The following LMO1 variants were observed in gnomAD, a reference collection of about 807,000 sequenced individuals.
LMO1 encodes rhombotin-1.
Under a neutral mutation model 18.0 loss-of-function variants are expected in LMO1, and 10 were observed. The observed-to-expected ratio is 0.55, with a 90% CI of 0.34 to 0.94. The LOEUF is 0.94. Among genes scored for constraint, LMO1 ranks in the 40% least tolerant of loss-of-function variants. The pLI, the probability that LMO1 is intolerant of heterozygous loss-of-function variation, is 0.02. For missense variants in LMO1, 183 were observed against 205.7 expected (o/e 0.89, Z 0.68); for synonymous variants, 77 against 77.9 (o/e 0.99, Z 0.06).
intron 1 of LMO1, among the ~76,000 whole-genome samples, chr11:8,232,854 ACT>A (rs1428189463): frequency 1.3e-5 from 2 of 151,940 alleles, no homozygotes; most frequent in African/African-American, 4.8e-5. Flanking sequence ...CAGCTGTCCC[ACT>A]CTCTCTTCCA....
chr11:8,259,299 A>G (rs918647187), intron 1 of LMO1, among the ~76,000 whole-genome samples: 14 of 151,996 alleles, frequency 9.2e-5, no homozygotes, highest in African/African-American at 3.4e-4. Flanking sequence ...CTGCTTCTTC[A>G]CCCAAGGCTC....
At chr11:8,240,164 C>G (rs1319859156) in intron 1 of LMO1, among the ~76,000 whole-genome samples, 1 of 152,180 alleles carries the variant, frequency 6.6e-6, no homozygotes, top group Non-Finnish European at 1.5e-5. Context: ...CTGAAACACT[C>G]CTTGCAGGAA....
chr11:8,251,281 G>A (rs561879161), intron 1 of LMO1, among the ~76,000 whole-genome samples: 8 of 152,316 alleles, frequency 5.3e-5, no homozygotes, highest in African/African-American at 1.9e-4. Context: ...GCTGGGATGT[G>A]GATGCAGCAG....
chr11:8,248,459 C>A (rs1237351621), intron 1 of LMO1, among the ~76,000 whole-genome samples: 1 of 152,230 alleles, frequency 6.6e-6, no homozygotes, highest in Non-Finnish European at 1.5e-5. Context: ...ACACCTGAGT[C>A]TACAGACAGA....
intron 1 of LMO1, among the ~76,000 whole-genome samples, chr11:8,261,578 A>C (rs1269602233): frequency 3.3e-5 from 5 of 152,198 alleles, no homozygotes; most frequent in African/African-American, 7.2e-5. Context: ...TGGGGAGCCA[A>C]GTATGCCAAA....
intron 1 of LMO1, among the ~76,000 whole-genome samples, chr11:8,238,670 CAAAAAAAAAAAA>C (rs11375128): frequency 2.5e-4 from 15 of 60,888 alleles, no homozygotes; most frequent in Non-Finnish European, 3.4e-4. Flanking sequence ...GACTCCATCT[CAAAAAAAAAAAA>C]AAAAAAAAAA....
In LMO1 at chr11:8,263,842, C is replaced by T. The variant is rs1432678521; in HGVS notation, c.-480G>A. 9.5e-7 allele frequency: 1 copy of T among 1,051,972 alleles called. No homozygotes were observed. Among genetic ancestry groups the T allele is most frequent in the Non-Finnish European group, 1.1e-6 (1 of 871,716 alleles). The allele number at this position is 1,051,972 out of a possible 1,614,324, so 65.2% of individuals were successfully genotyped here. Reference sequence around the variant, plus strand: ...TATATTCAAAGAGATGGGGGAATCTCGTGGCCGTCTCCCGCTGCCTTTCTC... The same window carrying T: ...TATATTCAAAGAGATGGGGGAATCTTGTGGCCGTCTCCCGCTGCCTTTCTC... On this transcript the variant is annotated 5_prime_UTR_variant, in exon 1 of 4. Transcript: ENST00000335790.
chr11:8,230,886 A>G (rs1363423926), intron 1 of LMO1, among the ~76,000 whole-genome samples: 1 of 152,220 alleles, frequency 6.6e-6, no homozygotes, highest in Non-Finnish European at 1.5e-5. Context: ...TCTTTCAGCA[A>G]TAAGCCTAAG....
chr11:8,224,553 C>A lies in LMO1; in HGVS notation c.*63G>T. The A allele has an allele frequency of 9.7e-7, 1 of 1,035,836 alleles. No individual in the cohort carries two copies. Among genetic ancestry groups the A allele is most frequent in the Non-Finnish European group, 1.4e-6 (1 of 689,980 alleles). 64.2% of individuals were successfully genotyped at this position (1,035,836 alleles called of 1,614,324 possible). ...CTGCACTGGTAGAGTGGCTGGCTGG[C>A]CGGCCAGGCAGGTGGGCAGGCGGGC... On this transcript the variant is annotated 3_prime_UTR_variant, in exon 4 of 4. Coordinates refer to ENST00000335790, the MANE Select transcript of LMO1 (RefSeq NM_002315.3).
At chr11:8,233,172 G>A (rs541183170) in intron 1 of LMO1, among the ~76,000 whole-genome samples, 2 of 152,316 alleles carry the variant, frequency 1.3e-5, no homozygotes, top group African/African-American at 4.8e-5. Context: ...AAGCCACACA[G>A]CTTCTGCCAA....
chr11:8,226,175 G>A (rs560916259), intron 3 of LMO1, among the ~76,000 whole-genome samples: 62 of 152,154 alleles, frequency 4.1e-4, no homozygotes, highest in Non-Finnish European at 7.9e-4. Flanking sequence ...GGGAGGATAC[G>A]TTATCCCATG....
chr11:8,246,503 A>G (rs1846896699), intron 1 of LMO1, among the ~76,000 whole-genome samples: 1 of 152,244 alleles, frequency 6.6e-6, no homozygotes. Flanking sequence ...CTATACAGAC[A>G]GAAAGTAGTT....
chr11:8,231,930 G>A (rs1952669696), intron 1 of LMO1, among the ~76,000 whole-genome samples: 1 of 152,164 alleles, frequency 6.6e-6, no homozygotes, highest in Non-Finnish European at 1.5e-5. Flanking sequence ...CAGATGTAAG[G>A]TCAGAAGAGC....
intron 1 of LMO1, among the ~76,000 whole-genome samples, chr11:8,241,785 T>C (rs1846797858): frequency 7.1e-6 from 1 of 140,096 alleles, no homozygotes. Flanking sequence ...TCTGTGAGTT[T>C]CAAAAAAAAA....
intron 2 of LMO1, among the ~76,000 whole-genome samples, chr11:8,227,311 G>A (rs12287681): frequency 6.6e-6 from 1 of 152,184 alleles, no homozygotes; most frequent in Non-Finnish European, 1.5e-5. Flanking sequence ...CCCTTCCAGG[G>A]AGGGTGTGTA....
At chr11:8,236,837 G>A (rs1483494346) in intron 1 of LMO1, among the ~76,000 whole-genome samples, 1 of 152,200 alleles carries the variant, frequency 6.6e-6, no homozygotes, top group Non-Finnish European at 1.5e-5. Flanking sequence ...ACATACCCAT[G>A]CATCTAAGCA....
chr11:8,267,282 A>G (rs1040102938), upstream of LMO1, among the ~76,000 whole-genome samples: 3 of 152,344 alleles, frequency 2.0e-5, no homozygotes, highest in South Asian at 6.2e-4. Context: ...TTCCTAGGAT[A>G]CAGGATGTTC....
At chr11:8,261,767 C>T (rs1336929804) in intron 1 of LMO1, among the ~76,000 whole-genome samples, 2 of 152,016 alleles carry the variant, frequency 1.3e-5, no homozygotes, top group African/African-American at 4.8e-5. Flanking sequence ...CCTGTCTGGC[C>T]CAACCCCAGA....
At chr11:8,262,599 T>A (rs1160359605) in intron 1 of LMO1, among the ~76,000 whole-genome samples, 1 of 152,194 alleles carries the variant, frequency 6.6e-6, no homozygotes, top group Non-Finnish European at 1.5e-5. Flanking sequence ...GCACTGAGGC[T>A]CGACCACGGA....
Sources: allele counts gnomAD v4.1 joint callset (sites outside exome capture counted in the v4.1 genomes callset), GRCh38; gene constraint gnomAD v4.1.1; transcripts MANE v1.5; gene names NCBI Gene and HGNC (gene_info 2026-07-23, HGNC 2026-07-21).